TEKT5: variants seen among roughly 807,000 people sequenced by gnomAD.
The protein encoded by TEKT5 is tektin 5.
Under a neutral mutation model 48.7 loss-of-function variants are expected in TEKT5, and 52 were observed. That is an observed-to-expected ratio of 1.07 (90% CI 0.86 to 1.35). The LOEUF is 1.35. Ranked by LOEUF, TEKT5 falls within the 40% of genes most tolerant of loss-of-function variation. The probability of loss-of-function intolerance (pLI) is 0.00; values close to 1 mark genes in which losing one functional copy is unlikely to be tolerated. For missense variants in TEKT5, 831 were observed against 641.6 expected (o/e 1.30, Z -3.19); for synonymous variants, 318 against 267.6 (o/e 1.19, Z -1.84).
At chr16:10,691,670 C>A (rs541553170) in intron 1 of TEKT5, among the ~76,000 whole-genome samples, 1 of 152,064 alleles carries the variant, frequency 6.6e-6, no homozygotes, top group African/African-American at 2.4e-5. Context: ...TCTGGGGGAC[C>A]AGACACGGTG....
intron 5 of TEKT5, among the ~76,000 whole-genome samples, chr16:10,642,398 C>A (rs368559537): frequency 2.0e-5 from 3 of 152,202 alleles, no homozygotes; most frequent in African/African-American, 7.2e-5. Context: ...CCCTCTCCCC[C>A]AGAGCCCACT....
At chr16:10,670,100 G>A (rs958941584) in intron 5 of TEKT5, among the ~76,000 whole-genome samples, 3 of 152,218 alleles carry the variant, frequency 2.0e-5, no homozygotes, top group African/African-American at 4.8e-5. Flanking sequence ...GTCTTACAAG[G>A]TGGATTCCTG....
chr16:10,628,572 C>T (rs936338862), intron 6 of TEKT5, among the ~76,000 whole-genome samples: 2 of 152,086 alleles, frequency 1.3e-5, no homozygotes, highest in African/African-American at 2.4e-5. Context: ...ACAATGTAAT[C>T]GAGCCACAGA....
At chr16:10,684,574 G>A (rs1898822220) in intron 3 of TEKT5, among the ~76,000 whole-genome samples, 1 of 152,088 alleles carries the variant, frequency 6.6e-6, no homozygotes, top group East Asian at 1.9e-4. Context: ...AATTGGCAGA[G>A]TCCTGGAGAA....
intron 5 of TEKT5, among the ~76,000 whole-genome samples, chr16:10,659,171 A>G: frequency 6.6e-6 from 1 of 152,168 alleles, no homozygotes; most frequent in Non-Finnish European, 1.5e-5. Context: ...TAATCACCCC[A>G]TGACTGAGAG....
At chr16:10,690,799 C>G in intron 1 of TEKT5, 1 of 985,308 alleles carries the variant, frequency 1.0e-6, no homozygotes, top group Non-Finnish European at 1.2e-6. Context: ...GATTAGCAAA[C>G]CAGCCCGTGA....
chr16:10,655,018 T>C (rs969662048), intron 5 of TEKT5, among the ~76,000 whole-genome samples: 4 of 142,576 alleles, frequency 2.8e-5, no homozygotes, highest in African/African-American at 5.2e-5. Context: ...TGTAAGACAA[T>C]AGGAAATTCA....
At chr16:10,632,651 C>T (rs1338219429) in intron 6 of TEKT5, among the ~76,000 whole-genome samples, 1 of 151,642 alleles carries the variant, frequency 6.6e-6, no homozygotes, top group South Asian at 2.1e-4. Context: ...TGGATGGGAC[C>T]CTAGTGATTG....
At chr16:10,650,195 T>G (rs1898132737) in intron 5 of TEKT5, among the ~76,000 whole-genome samples, 1 of 151,870 alleles carries the variant, frequency 6.6e-6, no homozygotes, top group Admixed American at 6.6e-5. Context: ...CCTCTGGGAT[T>G]ACAGGTGTGT....
chr16:10,682,170 C>T (rs765718506), intron 3 of TEKT5, 34 bp from the exon 4 acceptor site: 6 of 1,606,634 alleles, frequency 3.7e-6, no homozygotes, highest in South Asian at 1.1e-5. Flanking sequence ...CTGGACTATG[C>T]ACCTGCACAG....
rs541300736 is a variant in TEKT5, at chr16:10,676,102, G to A, written c.943C>T (p.Gln315Ter). 1.2e-5 allele frequency: 19 copies of A among 1,614,146 alleles called. No homozygotes were observed. In the East Asian group the frequency reaches 2.5e-4, roughly 21 times the overall value. Residue 315 changes from glutamine (Q) to a stop codon, truncating the protein, a stop_gained, in exon 5 of 7, where the codon CAG (glutamine) becomes TAG (stop). Coordinates refer to ENST00000283025, the MANE Select transcript of TEKT5 (RefSeq NM_144674.2). LOFTEE classifies it high-confidence loss of function. ...HSQNMRANSI[Q>*]LREEAEHLFE... ...AGGTGCTCCGCCTCCTCCCGCAGCT[G>A]GATGGAGTTGGCCCGCATGTTCTGA...
intron 5 of TEKT5, among the ~76,000 whole-genome samples, chr16:10,667,834 T>A (rs988195048): frequency 6.6e-6 from 1 of 152,044 alleles, no homozygotes; most frequent in South Asian, 2.1e-4. Context: ...TTTCCACCAA[T>A]AGAGGGTACC....
chr16:10,639,498 GTCCTTAAATGGA>G (rs1252677906), intron 5 of TEKT5, among the ~76,000 whole-genome samples: 6 of 152,114 alleles, frequency 3.9e-5, no homozygotes, highest in African/African-American at 1.4e-4. Context: ...GGGCATCCAT[GTCCTTAAATGGA>G]GGTGATAAAA....
In TEKT5 at chr16:10,627,666, T is replaced by C. The variant is rs145280952; in HGVS notation, c.1375A>G (p.Asn459Asp). The change falls in exon 7 of 7, where the codon AAC (asparagine) becomes GAC (aspartate). Residue 459 changes from asparagine to aspartate, a missense_variant. Asn to Asp is a conservative substitution (Grantham distance 23). Transcript: ENST00000283025. ...TTCTCCTTGTCGATGCAGAGGGTGT[T>C]GGCCTTGATGGCGAGCTCGTGCTCC... ...RLEHELAIKANTLCIDKEKCM... is the reference protein window; with the variant it reads ...RLEHELAIKADTLCIDKEKCM... 325 of 1,614,210 alleles carry C rather than the reference T, an allele frequency of 2.0e-4. No homozygotes were observed. Among genetic ancestry groups the C allele is most frequent in the Non-Finnish European group, 2.7e-4 (316 of 1,180,040 alleles).
Position 10,659,569 on chromosome 16 carries a change from T to C in TEKT5, c.1086+16390A>G, listed in dbSNP as rs147452972. Among the ~76,000 whole-genome samples, 81 of 152,174 alleles carry C rather than the reference T, an allele frequency of 5.3e-4. No individual in the cohort carries two copies. The Middle Eastern group carries it at 0.017, about 32-fold the overall frequency. ...TAATTTTTTGTATTTTTAGTAGAGA[T>C]GGGGTTTCACCATGTTAGCCTGACC... On this transcript the variant is annotated intron_variant, in intron 5 of 6. Coordinates refer to ENST00000283025, the MANE Select transcript of TEKT5 (RefSeq NM_144674.2).
chr16:10,688,389 A>G (rs1898902099), intron 3 of TEKT5, among the ~76,000 whole-genome samples: 1 of 152,196 alleles, frequency 6.6e-6, no homozygotes, highest in Non-Finnish European at 1.5e-5. Flanking sequence ...GTTCTGGGGC[A>G]CAGCAAACCA....
intron 5 of TEKT5, among the ~76,000 whole-genome samples, chr16:10,650,078 A>T (rs1043557092): frequency 5.1e-5 from 7 of 138,610 alleles, no homozygotes; most frequent in Non-Finnish European, 9.4e-5. Flanking sequence ...TATTTTTATT[A>T]TTATTTTTTT....
intron 3 of TEKT5, among the ~76,000 whole-genome samples, chr16:10,686,456 CAAA>C (rs58181454): frequency 8.7e-6 from 1 of 115,498 alleles, no homozygotes. Context: ...GACTCCATCT[CAAA>C]AAAAAAAAAA....
Position 10,681,435 on chromosome 16 carries a change from C to T in TEKT5, c.863+558G>A, listed in dbSNP as rs372188418. ...TGGCTGGTCTGGAAAACTCCTGGAACTCCTGGCCTCAGGCAATCCTCCAGC... is the reference window on the plus strand; with the variant it reads ...TGGCTGGTCTGGAAAACTCCTGGAATTCCTGGCCTCAGGCAATCCTCCAGC... On this transcript the variant is annotated intron_variant, in intron 4 of 6. Coordinates refer to ENST00000283025, the MANE Select transcript of TEKT5 (RefSeq NM_144674.2). 4.6e-5 allele frequency among the ~76,000 whole-genome samples: 7 copies of T among 152,026 alleles called. No individual in the cohort carries two copies. The East Asian group carries it at 1.4e-3, about 29-fold the overall frequency.
Sources: allele counts gnomAD v4.1 joint callset (sites outside exome capture counted in the v4.1 genomes callset), GRCh38; gene constraint gnomAD v4.1.1; transcripts MANE v1.5; gene names NCBI Gene and HGNC (gene_info 2026-07-23, HGNC 2026-07-21).